Variants in FOXJ3 observed in about 807,000 individuals in gnomAD.
FOXJ3 encodes forkhead box protein J3.
In FOXJ3, 22 loss-of-function variants were observed where a neutral mutation model predicts 76.1. That is an observed-to-expected ratio of 0.29 (90% CI 0.21 to 0.41). The LOEUF is 0.41. FOXJ3 is among the 10% of genes least tolerant of loss of function. The probability of loss-of-function intolerance (pLI) is 1.00; values close to 1 mark genes in which losing one functional copy is unlikely to be tolerated. For missense variants in FOXJ3, 613 were observed against 762.1 expected, an observed-to-expected ratio of 0.80 and a Z score of 2.30; for synonymous variants, 269 against 261.2, an observed-to-expected ratio of 1.03 and a Z score of -0.29.
At chr1:42,217,850 G>A (rs540401577) in intron 5 of FOXJ3, among the ~76,000 whole-genome samples, 15 of 152,132 alleles carry the variant, frequency 9.9e-5, no homozygotes, top group Admixed American at 3.3e-4. Context: ...CTTTAAATAC[G>A]CAGTTAACTG....
intron 4 of FOXJ3, among the ~76,000 whole-genome samples, chr1:42,248,394 C>T (rs1359850779): frequency 2.6e-5 from 4 of 151,932 alleles, no homozygotes; most frequent in African/African-American, 9.7e-5. Flanking sequence ...ATTAGCCGGG[C>T]GTGGTGGCGG....
intron 3 of FOXJ3, among the ~76,000 whole-genome samples, chr1:42,270,812 G>C (rs767987721): frequency 6.6e-6 from 1 of 152,106 alleles, no homozygotes; most frequent in Non-Finnish European, 1.5e-5. Flanking sequence ...AAAATCTCTG[G>C]AGTAGTGACC....
chr1:42,274,640 A>G (rs1480054468), intron 3 of FOXJ3, among the ~76,000 whole-genome samples: 8 of 152,202 alleles, frequency 5.3e-5, no homozygotes, highest in African/African-American at 1.9e-4. Context: ...GTGTGGCCTA[A>G]AGAGACAATG....
At chr1:42,334,131 T>C (rs1407169067) in intron 1 of FOXJ3, 11 of 980,782 alleles carry the variant, frequency 1.1e-5, no homozygotes, top group Non-Finnish European at 1.3e-5. Flanking sequence ...ATGAAAACTA[T>C]ACACCTGAAT....
intron 1 of FOXJ3, among the ~76,000 whole-genome samples, chr1:42,321,552 G>C (rs950485809): frequency 2.0e-5 from 3 of 152,184 alleles, no homozygotes; most frequent in Non-Finnish European, 2.9e-5. Context: ...CAGACCTGAT[G>C]TATGTACCAG....
chr1:42,269,319 T>G (rs1202336810), intron 3 of FOXJ3, among the ~76,000 whole-genome samples: 1 of 152,018 alleles, frequency 6.6e-6, no homozygotes, highest in Non-Finnish European at 1.5e-5. Context: ...AAAATACAAA[T>G]CAAGATGGTC....
At chr1:42,284,346 T>C (rs951229503) in intron 2 of FOXJ3, among the ~76,000 whole-genome samples, 1 of 152,188 alleles carries the variant, frequency 6.6e-6, no homozygotes, top group Non-Finnish European at 1.5e-5. Flanking sequence ...CAACTGAGGC[T>C]AGTGCAAAAA....
At chr1:42,202,999 T>C (rs78065472) in intron 6 of FOXJ3, among the ~76,000 whole-genome samples, 1,896 of 152,326 alleles carry the variant, frequency 0.012, 35 homozygotes, top group African/African-American at 0.043. Context: ...CTTTTCCCCA[T>C]GTCCCATTTA....
chr1:42,270,888 T>A (rs1300323154), intron 3 of FOXJ3, among the ~76,000 whole-genome samples: 1 of 152,180 alleles, frequency 6.6e-6, no homozygotes, highest in African/African-American at 2.4e-5. Context: ...AACTGCCACC[T>A]CCAATCCAAC....
chr1:42,237,307 G>A lies in FOXJ3; in HGVS notation c.445-9341C>T, dbSNP rs190026642. On this transcript the variant is annotated intron_variant, in intron 4 of 12. Transcript: ENST00000361346. ...GGAGAATGGCTTGAACCCGGGAGGC[G>A]GTGCTTGCAGTGAGCAGAGATCATG... 2.4e-3 allele frequency among the ~76,000 whole-genome samples: 367 copies of A among 151,244 alleles called. 1 individual carries two copies. Among genetic ancestry groups the A allele is most frequent in the Middle Eastern group, 6.8e-3 (2 of 292 alleles).
chr1:42,335,864 G>A (rs1274704615), upstream of FOXJ3: 1 of 152,102 alleles, frequency 6.6e-6, no homozygotes, highest in Non-Finnish European at 1.5e-5. Flanking sequence ...TCTCAAGGTA[G>A]CTACCCAGGT....
chr1:42,191,715 C>T lies in FOXJ3; in HGVS notation c.939G>A (p.Leu313=), dbSNP rs766796237. 6.2e-7 allele frequency: 1 copy of T among 1,607,976 alleles called. No homozygotes were observed. The highest frequency in any genetic ancestry group is 1.7e-5 in the Admixed American group (1 of 59,860). ...GGGAAGATTCAGAAGGGATGTTCATCAAACCTAAAAACAAAGCAAGATCAT... is the reference window on the plus strand; with the variant it reads ...GGGAAGATTCAGAAGGGATGTTCATTAAACCTAAAAACAAAGCAAGATCAT... The part of the protein sequence containing the change: ...VFEQSLSQQG[L]MNIPSESSQQ... The change falls in exon 9 of 13, where the codon TTG becomes TTA. Residue 313 remains leucine, a synonymous_variant. Coordinates refer to ENST00000361346, the MANE Select transcript of FOXJ3 (RefSeq NM_014947.5).
chr1:42,209,089 T>C (rs975655441), intron 5 of FOXJ3, among the ~76,000 whole-genome samples: 7 of 152,172 alleles, frequency 4.6e-5, no homozygotes, highest in South Asian at 4.1e-4. Context: ...GGCGTCCAAA[T>C]AGGAAGCAAT....
intron 3 of FOXJ3, among the ~76,000 whole-genome samples, chr1:42,273,642 T>G (rs1051823296): frequency 2.4e-5 from 3 of 123,560 alleles, no homozygotes; most frequent in East Asian, 4.9e-4. Context: ...ACCACTGCAC[T>G]CCAGCCTGGA....
At chr1:42,253,900 T>C (rs1251749188) in intron 4 of FOXJ3, among the ~76,000 whole-genome samples, 1 of 151,858 alleles carries the variant, frequency 6.6e-6, no homozygotes, top group South Asian at 2.1e-4. Context: ...GACATAGGCA[T>C]GGGCAAGGAC....
intron 2 of FOXJ3, among the ~76,000 whole-genome samples, chr1:42,298,919 T>C (rs558558627): frequency 2.0e-5 from 3 of 152,308 alleles, no homozygotes; most frequent in South Asian, 4.1e-4. Flanking sequence ...TTCAGGAGCA[T>C]GTTGTTTAGT....
chr1:42,266,326 C>T (rs1450382721), intron 3 of FOXJ3, among the ~76,000 whole-genome samples: 3 of 151,956 alleles, frequency 2.0e-5, no homozygotes, highest in Non-Finnish European at 2.9e-5. Context: ...AAGAATGATG[C>T]TCTCTCCCAA....
intron 4 of FOXJ3, among the ~76,000 whole-genome samples, chr1:42,247,415 G>T (rs950113065): frequency 6.6e-6 from 1 of 151,962 alleles, no homozygotes; most frequent in Non-Finnish European, 1.5e-5. Flanking sequence ...AATATATAAA[G>T]AACTCTTACA....
At chr1:42,284,054 T>C (rs1652897634) in intron 2 of FOXJ3, among the ~76,000 whole-genome samples, 1 of 152,102 alleles carries the variant, frequency 6.6e-6, no homozygotes, top group Non-Finnish European at 1.5e-5. Context: ...TTTTGTGAAG[T>C]AGATTGTGAA....
Sources: gnomAD v4.1 joint callset for allele counts (sites outside exome capture counted in the v4.1 genomes callset) on GRCh38, gnomAD v4.1.1 for gene constraint, MANE v1.5 for transcripts, NCBI Gene and HGNC (gene_info 2026-07-23, HGNC 2026-07-21) for gene names.